SYNJ2: variants seen among roughly 807,000 people sequenced by gnomAD.
SYNJ2 encodes the protein polyphosphatidylinositol phosphatase SYNJ2.
Under a neutral mutation model 141.3 loss-of-function variants are expected in SYNJ2, and 116 were observed. That is an observed-to-expected ratio of 0.82 (90% CI 0.71 to 0.96). SYNJ2 has a LOEUF of 0.96. Ranked by LOEUF, SYNJ2 falls within the 40% of genes least tolerant of loss-of-function variation. The pLI is 0.00. For missense variants in SYNJ2, 1,873 were observed against 1,934.8 expected (o/e 0.97, Z 0.60); for synonymous variants, 745 against 777.7 (o/e 0.96, Z 0.70).
chr6:158,078,185 AC>A lies in SYNJ2; in HGVS notation c.2472del (p.Asp824GlufsTer4). 1 of 1,613,618 alleles carries A rather than the reference AC, an allele frequency of 6.2e-7. No homozygotes were observed. Among genetic ancestry groups the A allele is most frequent in the Non-Finnish European group, 8.5e-7 (1 of 1,179,560 alleles). On this transcript the variant is annotated frameshift_variant, in exon 18 of 27. Coordinates refer to ENST00000355585, the MANE Select transcript of SYNJ2 (RefSeq NM_003898.4). LOFTEE classifies it high-confidence loss of function. ...DKTAGELNLL[D>X]SDLDVDTKVR... ...GTAGCTGGAGAACTCAACCTTCTAGACAGTGATCTAGATGTTGACACCAAAG... is the reference window on the plus strand; with the variant it reads ...GTAGCTGGAGAACTCAACCTTCTAGAAGTGATCTAGATGTTGACACCAAAG...
At chr6:157,987,559 G>T (rs375752355) in intron 1 of SYNJ2, among the ~76,000 whole-genome samples, 1 of 151,878 alleles carries the variant, frequency 6.6e-6, no homozygotes, top group Non-Finnish European at 1.5e-5. Context: ...GTGCCATCAC[G>T]TCCGGCTAAT....
At position 158,040,511 on chromosome 6, in the gene SYNJ2, C is replaced by A. The variant is rs1320455752; in HGVS notation, c.712-2805C>A. 1.3e-5 allele frequency among the ~76,000 whole-genome samples: 2 copies of A among 149,332 alleles called. No homozygotes were observed. The highest frequency in any genetic ancestry group is 2.5e-5 in the African/African-American group (1 of 40,006). ...TGACTCACCACACAGAAAAACAAGA[C>A]CAAAAAGTCCCCTCAGTCTATTAAA... is the stretch of plus-strand genomic sequence containing the variant. On this transcript the variant is annotated intron_variant, in intron 4 of 26. Transcript: ENST00000355585. The surrounding 1 kb of genome is among the most constrained non-coding windows in gnomAD (Gnocchi z 4.2).
chr6:158,050,849 T>C (rs1288393764), intron 5 of SYNJ2, among the ~76,000 whole-genome samples: 1 of 152,114 alleles, frequency 6.6e-6, no homozygotes, highest in Non-Finnish European at 1.5e-5. Context: ...TCTGGGTCTT[T>C]CCATGGGGGT....
At chr6:158,064,520 C>T (rs73017928) in intron 9 of SYNJ2, 81 bp from the exon 10 acceptor site, 143,784 of 1,546,352 alleles carry the variant, frequency 0.093, 7,655 homozygotes, top group East Asian at 0.19. Context: ...CACAGGCTGC[C>T]GAATAAGGAA....
At chr6:158,090,421 C>A (rs1229023750) in intron 25 of SYNJ2, among the ~76,000 whole-genome samples, 1 of 152,138 alleles carries the variant, frequency 6.6e-6, no homozygotes, top group Non-Finnish European at 1.5e-5. Flanking sequence ...ATGTTAGTTA[C>A]CTTGGGCTCT....
chr6:157,988,566 C>T (rs1012958427), intron 1 of SYNJ2, among the ~76,000 whole-genome samples: 17 of 152,204 alleles, frequency 1.1e-4, no homozygotes, highest in Non-Finnish European at 1.5e-5. Flanking sequence ...TCTTCTGGAG[C>T]GTTCCTGGGG....
intron 23 of SYNJ2, among the ~76,000 whole-genome samples, chr6:158,087,691 A>T (rs1177338392): frequency 5.3e-5 from 8 of 152,234 alleles, no homozygotes; most frequent in Non-Finnish European, 1.2e-4. Context: ...AACCAATGGC[A>T]AGCCACAAGC....
At chr6:158,034,397 G>A (rs1470017741) in intron 4 of SYNJ2, among the ~76,000 whole-genome samples, 2 of 152,252 alleles carry the variant, frequency 1.3e-5, no homozygotes, top group African/African-American at 4.8e-5. Context: ...GGTGCCCTGT[G>A]TTTACTGAGT....
intron 6 of SYNJ2, among the ~76,000 whole-genome samples, chr6:158,057,840 CG>C (rs1404039544): frequency 2.6e-5 from 4 of 152,174 alleles, no homozygotes; most frequent in African/African-American, 9.7e-5. Context: ...CTGGGCAGAC[CG>C]ACCCAAAAGA....
In SYNJ2 at chr6:158,051,173, C is replaced by G. The variant is rs148330949; in HGVS notation, c.796-3794C>G. ...CGACGGAGAGCCAGGCTCCTCAGCC[C>G]TGGCCTGCCAAGCTTGTATTCTCTT... On this transcript the variant is annotated intron_variant, in intron 5 of 26. Transcript: ENST00000355585. 4.5e-3 allele frequency among the ~76,000 whole-genome samples: 680 copies of G among 152,298 alleles called. 1 individual carries two copies. Among genetic ancestry groups the G allele is most frequent in the Non-Finnish European group, 7.2e-3 (492 of 68,028 alleles).
intron 5 of SYNJ2, among the ~76,000 whole-genome samples, chr6:158,050,431 G>A (rs966901861): frequency 6.6e-6 from 1 of 152,216 alleles, no homozygotes; most frequent in African/African-American, 2.4e-5. Context: ...ACCCGGGGGT[G>A]GTGCTCCCGA....
At chr6:158,037,142 C>A (rs193072946) in intron 4 of SYNJ2, among the ~76,000 whole-genome samples, 219 of 152,296 alleles carry the variant, frequency 1.4e-3, no homozygotes, top group African/African-American at 5.1e-3. Flanking sequence ...TGGCCGAAAA[C>A]AACACACTTA....
intron 26 of SYNJ2, chr6:158,093,888 A>C: frequency 1.3e-6 from 1 of 764,714 alleles, no homozygotes. Flanking sequence ...TTTCTTGCAG[A>C]TTGTTTTTTG....
rs557546588 is a variant in SYNJ2 at position 158,003,598 on chromosome 6, A to G, written c.128-13606A>G. ...CTCGGGCTGTCTGCATTGTTAAATGACCTCATTATTTTTCTGACCTGTGGG... is the reference window on the plus strand; with the variant it reads ...CTCGGGCTGTCTGCATTGTTAAATGGCCTCATTATTTTTCTGACCTGTGGG... On this transcript the variant is annotated intron_variant, in intron 1 of 26. Coordinates refer to ENST00000355585, the MANE Select transcript of SYNJ2 (RefSeq NM_003898.4). Among the ~76,000 whole-genome samples the G allele has an allele frequency of 1.5e-3, 230 of 152,196 alleles. 1 individual carries two copies. Among genetic ancestry groups the G allele is most frequent in the African/African-American group, 5.1e-3 (213 of 41,514 alleles).
chr6:158,067,070 G>A (rs187941284), intron 12 of SYNJ2, among the ~76,000 whole-genome samples: 3 of 152,356 alleles, frequency 2.0e-5, no homozygotes, highest in Admixed American at 2.0e-4. Flanking sequence ...CCAGGCTAGA[G>A]TGTAGTGACG....
rs566056157 is a variant in SYNJ2, at chr6:158,005,906, G to A, written c.128-11298G>A. Among the ~76,000 whole-genome samples the A allele has an allele frequency of 1.2e-3, 186 of 152,088 alleles. 1 individual carries two copies. The highest frequency in any genetic ancestry group is 4.1e-3 in the African/African-American group (170 of 41,466). On this transcript the variant is annotated intron_variant, in intron 1 of 26. Transcript: ENST00000355585. ...CTGTCCCCCTTCCCACCTGCTCCCC[G>A]CAGTGCACTGTCTACGTTTCAGGCC...
chr6:158,035,491 T>C (rs1031505890), intron 4 of SYNJ2, among the ~76,000 whole-genome samples: 6 of 152,154 alleles, frequency 3.9e-5, no homozygotes, highest in Non-Finnish European at 8.8e-5. Flanking sequence ...CTGTTGTTGG[T>C]GTATTGATTT....
chr6:158,003,823 C>T (rs1777949389), intron 1 of SYNJ2, among the ~76,000 whole-genome samples: 1 of 151,992 alleles, frequency 6.6e-6, no homozygotes, highest in Non-Finnish European at 1.5e-5. Context: ...TGTTTTGGGA[C>T]CCAGAATCCA....
chr6:158,046,078 G>C (rs1280044857), intron 5 of SYNJ2, among the ~76,000 whole-genome samples: 1 of 152,136 alleles, frequency 6.6e-6, no homozygotes, highest in Admixed American at 6.5e-5. Flanking sequence ...AAGTAGCTGG[G>C]GTTACAGGCA....
Sources: allele counts gnomAD v4.1 joint callset (sites outside exome capture counted in the v4.1 genomes callset), GRCh38; gene constraint gnomAD v4.1.1; non-coding constraint Gnocchi (gnomAD v3.1); transcripts MANE v1.5; gene names NCBI Gene and HGNC (gene_info 2026-07-23, HGNC 2026-07-21).